The following KLRF1 variants were observed in gnomAD, a reference collection of about 807,000 sequenced individuals.
The protein encoded by KLRF1 is killer cell lectin-like receptor subfamily F member 1.
In KLRF1, 27 loss-of-function variants were observed where a neutral mutation model predicts 30.7. That is an observed-to-expected ratio of 0.88 (90% CI 0.65 to 1.21). The LOEUF is 1.21. KLRF1 is among the 50% of genes most tolerant of loss of function. KLRF1 has a pLI of 0.00. For synonymous variants in KLRF1, 92 were observed against 89.3 expected, an observed-to-expected ratio of 1.03 and a Z score of -0.17; for missense variants, 246 against 259.3, an observed-to-expected ratio of 0.95 and a Z score of 0.35.
chr12:9,823,659 T>C (rs185092097), upstream of KLRF1, among the ~76,000 whole-genome samples: 69 of 151,764 alleles, frequency 4.5e-4, no homozygotes, highest in African/African-American at 1.6e-3. Context: ...GGAAAGAGAT[T>C]GAGATACAAA....
At chr12:9,805,128 G>T in the KLRF1 span, among the ~76,000 whole-genome samples, 2 of 151,870 alleles carry the variant, frequency 1.3e-5, no homozygotes, top group Non-Finnish European at 2.9e-5. Context: ...TTGGCTTCAA[G>T]AAATGAGTTG....
At chr12:9,836,052 G>T (rs1465192779) in intron 3 of KLRF1, among the ~76,000 whole-genome samples, 1 of 152,040 alleles carries the variant, frequency 6.6e-6, no homozygotes, top group Non-Finnish European at 1.5e-5. Context: ...GGCGCTGGAA[G>T]AAAGGGAAAT....
At chr12:9,826,170 G>T (rs114002147), upstream of KLRF1, among the ~76,000 whole-genome samples, 1 of 151,984 alleles carries the variant, frequency 6.6e-6, no homozygotes, top group Non-Finnish European at 1.5e-5. Flanking sequence ...TGTTACATAG[G>T]TAAACTTGTG....
chr12:9,831,753 G>GA (rs1418755409), intron 1 of KLRF1, among the ~76,000 whole-genome samples: 26 of 152,140 alleles, frequency 1.7e-4, no homozygotes, highest in African/African-American at 5.8e-4. Context: ...GTAAGTCTAT[G>GA]AAAAATAAAA....
intron 1 of KLRF1, among the ~76,000 whole-genome samples, chr12:9,829,202 A>G (rs1381772491): frequency 3.3e-5 from 5 of 152,328 alleles, no homozygotes; most frequent in Non-Finnish European, 5.9e-5. Flanking sequence ...CAGAATCACT[A>G]TAGAAATAAT....
At chr12:9,822,781 A>G (rs1267121781), upstream of KLRF1, among the ~76,000 whole-genome samples, 1 of 152,130 alleles carries the variant, frequency 6.6e-6, no homozygotes, top group Non-Finnish European at 1.5e-5. Flanking sequence ...AAAATCTAAC[A>G]AGCAAATGAA....
At chr12:9,819,506 G>T in the KLRF1 span, among the ~76,000 whole-genome samples, 1 of 152,326 alleles carries the variant, frequency 6.6e-6, no homozygotes, top group East Asian at 1.9e-4. Context: ...CCCCAAAATA[G>T]CACAGCTGCT....
intron 4 of KLRF1, 108 bp from the exon 5 acceptor site, chr12:9,842,213 C>A: frequency 8.9e-7 from 1 of 1,126,794 alleles, no homozygotes; most frequent in Non-Finnish European, 1.3e-6. Flanking sequence ...GAATTGATTA[C>A]CATAAGAATC....
chr12:9,844,312 T>G, intron 5 of KLRF1, 106 bp from the exon 6 acceptor site: 1 of 625,586 alleles, frequency 1.6e-6, no homozygotes, highest in South Asian at 1.8e-5. Flanking sequence ...AAAAATGCTT[T>G]GAGATTTTGA....
chr12:9,813,657 A>T, the KLRF1 span, among the ~76,000 whole-genome samples: 2,142 of 152,276 alleles, frequency 0.014, 48 homozygotes, highest in African/African-American at 0.048. Flanking sequence ...GACTTGGAAT[A>T]CAGCATCTAA....
the KLRF1 span, chr12:9,817,505 C>T: frequency 2.5e-6 from 1 of 400,442 alleles, no homozygotes; most frequent in Non-Finnish European, 4.9e-6. Flanking sequence ...TTCCAGAGTA[C>T]TGTTTTGACT....
upstream of KLRF1, among the ~76,000 whole-genome samples, chr12:9,824,701 T>C (rs946782073): frequency 6.6e-6 from 1 of 152,166 alleles, no homozygotes; most frequent in African/African-American, 2.4e-5. Context: ...CATATGATTA[T>C]ATACCTAGAA....
the KLRF1 span, among the ~76,000 whole-genome samples, chr12:9,808,572 C>T: frequency 1.3e-5 from 2 of 152,076 alleles, no homozygotes; most frequent in Non-Finnish European, 2.9e-5. Flanking sequence ...AGACCCGCAT[C>T]CTCCCCAAAA....
At chr12:9,842,058 T>C (rs1867715288) in intron 4 of KLRF1, 107 bp downstream of exon 4, 1 of 1,273,308 alleles carries the variant, frequency 7.9e-7, no homozygotes. Flanking sequence ...GATTATCGAG[T>C]TTTGGGCACC....
intron 1 of KLRF1, among the ~76,000 whole-genome samples, chr12:9,831,530 T>G (rs1220312434): frequency 6.6e-6 from 1 of 152,160 alleles, no homozygotes; most frequent in Non-Finnish European, 1.5e-5. Context: ...ATTATTATGA[T>G]AGATTTACAT....
In KLRF1 at chr12:9,844,590, A is replaced by G. The variant is rs1867772745; in HGVS notation, c.*64A>G. The G allele has an allele frequency of 7.2e-6, 6 of 838,480 alleles. No homozygotes were observed. The highest frequency in any genetic ancestry group is 1.2e-5 in the Non-Finnish European group (6 of 512,316). 51.9% of individuals were successfully genotyped at this position (838,480 alleles called of 1,614,324 possible). On this transcript the variant is annotated 3_prime_UTR_variant, in exon 6 of 6. Transcript: ENST00000617889. ...TATTTTTGGCCTATTAGTTTCTAAT[A>G]TTAATCTCCAGGTGTAAGATTTTAA...
intron 5 of KLRF1, 130 bp from the exon 6 acceptor site, chr12:9,844,288 G>A (rs917463802): frequency 3.5e-6 from 2 of 565,442 alleles, no homozygotes; most frequent in Non-Finnish European, 6.3e-6. Flanking sequence ...AATCGTTAGT[G>A]AATCCAAGTA....
At chr12:9,807,263 T>C in the KLRF1 span, among the ~76,000 whole-genome samples, 2 of 152,128 alleles carry the variant, frequency 1.3e-5, no homozygotes, top group African/African-American at 4.8e-5. Context: ...GACCAAAGAA[T>C]AAATTATTGT....
chr12:9,824,734 A>G (rs761666976), upstream of KLRF1, among the ~76,000 whole-genome samples: 1 of 152,344 alleles, frequency 6.6e-6, no homozygotes, highest in Non-Finnish European at 1.5e-5. Context: ...TTGGCCAAAA[A>G]GCTCCTTCAA....
Sources: allele counts gnomAD v4.1 joint callset (sites outside exome capture counted in the v4.1 genomes callset), GRCh38; gene constraint gnomAD v4.1.1; transcripts MANE v1.5; gene names NCBI Gene and HGNC (gene_info 2026-07-23, HGNC 2026-07-21).